C13orf46: variants seen among roughly 807,000 people sequenced by gnomAD.
C13orf46 encodes the protein chromosome 13 open reading frame 46.
chr13:113,948,813 A>G (rs1044924057), downstream of C13orf46, among the ~76,000 whole-genome samples: 4 of 152,256 alleles, frequency 2.6e-5, no homozygotes, highest in Non-Finnish European at 5.9e-5. Flanking sequence ...GTATTGTGGT[A>G]TAATAAAAAA....
At chr13:113,966,061 G>T (rs2052640842) in intron 5 of C13orf46, among the ~76,000 whole-genome samples, 2 of 144,070 alleles carry the variant, frequency 1.4e-5, no homozygotes, top group African/African-American at 5.0e-5. Context: ...GCTGGTGATG[G>T]GAATGATGGT....
downstream of C13orf46, among the ~76,000 whole-genome samples, chr13:113,949,395 A>G (rs1371635973): frequency 6.6e-6 from 1 of 152,214 alleles, no homozygotes; most frequent in Non-Finnish European, 1.5e-5. Context: ...TGTCATCAGA[A>G]GTAGGGGCAG....
At position 113,963,637 on chromosome 13, in the gene C13orf46, C is replaced by A. The variant is rs1023186650; in HGVS notation, c.572+1290G>T. On this transcript the variant is annotated intron_variant, in intron 6 of 6. Coordinates refer to ENST00000636427, the MANE Select transcript of C13orf46 (RefSeq NM_001365455.2). ...CTTGTCCTCAGCCACAGCCCCCTCT[C>A]CTCAGCCTCGCCCGTCCTCAGCCTT... 2.2e-3 allele frequency among the ~76,000 whole-genome samples: 325 copies of A among 150,590 alleles called. 1 individual carries two copies. Among genetic ancestry groups the A allele is most frequent in the African/African-American group, 7.4e-3 (304 of 40,910 alleles).
At chr13:113,931,630 A>G in the C13orf46 span, among the ~76,000 whole-genome samples, 2 of 152,150 alleles carry the variant, frequency 1.3e-5, no homozygotes, top group African/African-American at 4.8e-5. Context: ...GACTCTCACC[A>G]AATGTTAGGG....
chr13:113,950,963 G>C (rs1312081239), downstream of C13orf46, among the ~76,000 whole-genome samples: 16 of 152,350 alleles, frequency 1.1e-4, no homozygotes, highest in Middle Eastern at 3.4e-3. Flanking sequence ...CGGGCGTTCA[G>C]AGGAACTCGG....
the C13orf46 span, among the ~76,000 whole-genome samples, chr13:113,937,613 A>G: frequency 6.6e-6 from 1 of 152,186 alleles, no homozygotes; most frequent in Non-Finnish European, 1.5e-5. Context: ...AGGTCCTGAC[A>G]ACATGCCTGA....
the C13orf46 span, among the ~76,000 whole-genome samples, chr13:113,931,185 T>C: frequency 1.3e-5 from 2 of 152,172 alleles, no homozygotes; most frequent in Admixed American, 6.5e-5. Context: ...CCCCCAGAGG[T>C]AACCCCAATG....
the C13orf46 span, among the ~76,000 whole-genome samples, chr13:113,936,304 A>G: frequency 0.058 from 8,778 of 152,306 alleles, 831 homozygotes; most frequent in African/African-American, 0.2. Flanking sequence ...GGCTCTGGGA[A>G]GGGGCCGTCC....
At chr13:113,936,523 G>C in the C13orf46 span, among the ~76,000 whole-genome samples, 41 of 151,006 alleles carry the variant, frequency 2.7e-4, no homozygotes, top group African/African-American at 9.9e-4. Flanking sequence ...AGCCCGAGGA[G>C]GGGGAAACCG....
intron 1 of C13orf46, among the ~76,000 whole-genome samples, 159 bp downstream of exon 1, chr13:113,973,649 C>T (rs571453725): frequency 7.9e-5 from 12 of 152,256 alleles, no homozygotes; most frequent in Admixed American, 3.9e-4. Flanking sequence ...CTTGGACACA[C>T]GTCGTTGGAC....
chr13:113,963,953 C>T (rs976618072), intron 6 of C13orf46, among the ~76,000 whole-genome samples: 71 of 152,250 alleles, frequency 4.7e-4, no homozygotes, highest in African/African-American at 1.5e-3. Context: ...TGGGTTCAAG[C>T]GATTCTCCTG....
At chr13:113,944,020 G>A in the C13orf46 span, among the ~76,000 whole-genome samples, 58 of 152,286 alleles carry the variant, frequency 3.8e-4, no homozygotes, top group African/African-American at 1.3e-3. Flanking sequence ...GAAGGAATGC[G>A]GTACAAGTGC....
the C13orf46 span, among the ~76,000 whole-genome samples, chr13:113,946,721 A>ATT: frequency 3.6e-3 from 547 of 152,344 alleles, 4 homozygotes; most frequent in African/African-American, 0.013. Context: ...CATCCAGGCC[A>ATT]TTGGGTCTCC....
intron 1 of C13orf46, among the ~76,000 whole-genome samples, chr13:113,972,262 C>T (rs1220446808): frequency 6.6e-6 from 1 of 152,340 alleles, no homozygotes; most frequent in African/African-American, 2.4e-5. Flanking sequence ...CTTTGCACGT[C>T]TTGAGGGAAC....
intron 4 of C13orf46, among the ~76,000 whole-genome samples, 153 bp from the exon 5 acceptor site, chr13:113,967,541 G>C (rs953355602): frequency 1.3e-5 from 2 of 152,198 alleles, no homozygotes; most frequent in Non-Finnish European, 1.5e-5. Flanking sequence ...TGGCAATGCT[G>C]AACGAGGGCT....
intron 6 of C13orf46, among the ~76,000 whole-genome samples, chr13:113,964,500 C>T (rs2052618175): frequency 6.6e-6 from 1 of 152,196 alleles, no homozygotes; most frequent in Non-Finnish European, 1.5e-5. Context: ...GCTGTGACAC[C>T]AGCCGTGTAT....
the C13orf46 span, chr13:113,927,984 G>A: frequency 9.3e-5 from 20 of 215,330 alleles, no homozygotes; most frequent in Non-Finnish European, 1.5e-4. Context: ...GAATGCTGCC[G>A]ATCCTCTGCG....
chr13:113,934,047 G>A, the C13orf46 span, among the ~76,000 whole-genome samples: 2 of 152,176 alleles, frequency 1.3e-5, no homozygotes, highest in Non-Finnish European at 2.9e-5. Context: ...CCACAGGTGT[G>A]AGGTGTGCCC....
chr13:113,958,620 GA>G (rs1807063093), intron 6 of C13orf46, among the ~76,000 whole-genome samples: 1 of 152,274 alleles, frequency 6.6e-6, no homozygotes, highest in Admixed American at 6.5e-5. Flanking sequence ...ACCGTGAACA[GA>G]AACACGGCGT....
Sources: allele counts gnomAD v4.1 joint callset (sites outside exome capture counted in the v4.1 genomes callset), GRCh38; gene constraint gnomAD v4.1.1; transcripts MANE v1.5; gene names NCBI Gene and HGNC (gene_info 2026-07-23, HGNC 2026-07-21).